The following BRCA1 variants were observed in gnomAD, a reference collection of about 807,000 sequenced individuals.
The protein encoded by BRCA1 is BRCA1 DNA repair associated, also known as breast cancer type 1 susceptibility protein.
In BRCA1, 140 loss-of-function variants were observed where a neutral mutation model predicts 173.7. The ratio of observed to expected loss-of-function variants is 0.81; its 90% CI spans 0.70 to 0.93. The LOEUF (loss-of-function observed/expected upper bound fraction) is 0.93. Ranked by LOEUF, BRCA1 falls within the 40% of genes least tolerant of loss-of-function variation. The pLI is 0.00. For missense variants in BRCA1, 1,983 were observed against 2,172.5 expected (o/e 0.91, Z 1.73); for synonymous variants, 662 against 756.0 (o/e 0.88, Z 2.04).
intron 2 of BRCA1, among the ~76,000 whole-genome samples, chr17:43,118,302 T>C (rs2055387903): frequency 6.6e-6 from 1 of 152,182 alleles, no homozygotes; most frequent in Admixed American, 6.5e-5. Context: ...GGAAAGACTA[T>C]CAGAGAGGTA....
At chr17:43,157,622 G>C (rs2056205742) in intron 1 of BRCA1, among the ~76,000 whole-genome samples, 2 of 151,738 alleles carry the variant, frequency 1.3e-5, no homozygotes, top group Non-Finnish European at 2.9e-5. Context: ...CTTGAACCTG[G>C]GAGGTAGAAG....
rs863224766 is a variant in BRCA1, at chr17:43,094,590, G to A, written c.941C>T (p.Ala314Val). ...FCNKSKQPGLARSQHNRWAGS... is the reference protein window; with the variant it reads ...FCNKSKQPGLVRSQHNRWAGS... The stretch of plus-strand genomic sequence containing the variant: ...AGCCCATCTGTTATGTTGGCTCCTT[G>A]CTAAGCCAGGCTGTTTGCTTTTATT... Residue 314 changes from alanine (A) to valine (V), a missense_variant, in exon 10 of 23, where the codon GCA (alanine) becomes GTA (valine). Coordinates refer to ENST00000357654, the MANE Select transcript of BRCA1 (RefSeq NM_007294.4). 1 of 1,614,056 alleles carries A rather than the reference G, an allele frequency of 6.2e-7. No individual in the cohort carries two copies. The highest frequency in any genetic ancestry group is 8.5e-7 in the Non-Finnish European group (1 of 1,180,018).
chr17:43,048,042 G>A (rs1336232731), intron 21 of BRCA1, among the ~76,000 whole-genome samples: 1 of 152,030 alleles, frequency 6.6e-6, no homozygotes, highest in Non-Finnish European at 1.5e-5. Context: ...ATGAGCCACC[G>A]CACCCAGCCT....
intron 1 of BRCA1, among the ~76,000 whole-genome samples, chr17:43,169,137 T>C (rs1163497053): frequency 2.0e-5 from 3 of 152,170 alleles, no homozygotes; most frequent in Non-Finnish European, 4.4e-5. Context: ...GCACTTCTTC[T>C]TCCGCAAGGG....
chr17:43,105,453 C>T (rs2054720830), intron 4 of BRCA1, among the ~76,000 whole-genome samples: 1 of 152,088 alleles, frequency 6.6e-6, no homozygotes, highest in African/African-American at 2.4e-5. Flanking sequence ...GTTGCCCAGG[C>T]TGATTTCAAA....
At chr17:43,102,642 G>C (rs1311802880) in intron 6 of BRCA1, among the ~76,000 whole-genome samples, 2 of 150,242 alleles carry the variant, frequency 1.3e-5, no homozygotes, top group Non-Finnish European at 3.0e-5. Flanking sequence ...GGTGTTAGCC[G>C]CCGCACCCAG....
Position 43,169,766 on chromosome 17 carries a change from GA to G in BRCA1, c.-20+359del. 1.5e-5 allele frequency: 3 copies of G among 201,346 alleles called. No homozygotes were observed. In the South Asian group the frequency reaches 1.9e-4, roughly 13 times the overall value. 12.5% of individuals were successfully genotyped at this position (201,346 alleles called of 1,614,324 possible). A position where few individuals can be genotyped will look rare whatever the true frequency, so the allele number is the denominator to read the frequency against. ...CCCGGGGCTCTTCTACCTTAACCCA[GA>G]GCAGAGGGTGCAGGCCTCCTGAGCC... On this transcript the variant is annotated intron_variant, in intron 1 of 7. Transcript: ENST00000634433.
At chr17:43,082,345 G>T (rs2053034554) in intron 12 of BRCA1, 59 bp downstream of exon 12, 17 of 1,554,258 alleles carry the variant, frequency 1.1e-5, no homozygotes, top group Non-Finnish European at 1.2e-5. Context: ...TTCAGAAGGA[G>T]ATAAAGGGGA....
chr17:43,084,985 G>A (rs2053172004), intron 11 of BRCA1, among the ~76,000 whole-genome samples: 1 of 152,104 alleles, frequency 6.6e-6, no homozygotes, highest in Admixed American at 6.5e-5. Context: ...TTTCCCAAAG[G>A]AATTATTTTT....
At chr17:43,135,134 C>CG (rs1567828391) in intron 1 of BRCA1, among the ~76,000 whole-genome samples, 3 of 152,186 alleles carry the variant, frequency 2.0e-5, no homozygotes, top group African/African-American at 7.2e-5. Context: ...CTGCTAGTTC[C>CG]TAACCCACGC....
chr17:43,160,962 C>T (rs867964826), intron 1 of BRCA1: 9 of 152,108 alleles, frequency 5.9e-5, no homozygotes, highest in South Asian at 2.1e-4. Context: ...ATCCTCCTAG[C>T]GCTGGGAACC....
chr17:43,125,561 G>A (rs775110369), upstream of BRCA1: 1 of 308,514 alleles, frequency 3.2e-6, no homozygotes, highest in Non-Finnish European at 6.4e-6. Context: ...GCCCCCGGAT[G>A]ACGTAAAAGG....
chr17:43,069,149 G>A (rs980794667), intron 15 of BRCA1, among the ~76,000 whole-genome samples: 13 of 152,202 alleles, frequency 8.5e-5, no homozygotes, highest in African/African-American at 2.9e-4. Context: ...GGCTAGAGAA[G>A]CTAATGACAT....
At chr17:43,106,956 A>G (rs1035918776) in intron 3 of BRCA1, among the ~76,000 whole-genome samples, 1 of 152,228 alleles carries the variant, frequency 6.6e-6, no homozygotes, top group Non-Finnish European at 1.5e-5. Context: ...TGGTAATAGC[A>G]TAAGAATAGA....
intron 18 of BRCA1, among the ~76,000 whole-genome samples, chr17:43,062,610 T>A (rs1196655062): frequency 2.0e-5 from 3 of 152,190 alleles, no homozygotes; most frequent in Non-Finnish European, 4.4e-5. Context: ...AAATTTTTTT[T>A]TTTTTTAAGA....
intron 11 of BRCA1, among the ~76,000 whole-genome samples, chr17:43,085,670 T>C (rs2053201110): frequency 6.6e-6 from 1 of 151,856 alleles, no homozygotes; most frequent in African/African-American, 2.4e-5. Flanking sequence ...AGTTTGAATG[T>C]CTCCTTAAGT....
At chr17:43,078,136 A>AT (rs1318393078) in intron 12 of BRCA1, among the ~76,000 whole-genome samples, 2 of 150,936 alleles carry the variant, frequency 1.3e-5, no homozygotes, top group African/African-American at 4.9e-5. Context: ...CCAGGCTGGA[A>AT]TACAGTGGCA....
Position 43,091,474 on chromosome 17 carries a change from C to A in BRCA1, c.4057G>T (p.Glu1353Ter), listed in dbSNP as rs80357178. 1 of 1,613,502 alleles carries A rather than the reference C, an allele frequency of 6.2e-7. No individual in the cohort carries two copies. Among genetic ancestry groups the A allele is most frequent in the Non-Finnish European group, 8.5e-7 (1 of 1,179,732 alleles). ...ATGCTTTGCTCTTCTTGATTATTTT[C>A]TTCCAAGCCCGTTCCTCTTTCTTCA... ...DDEERGTGLE[E>*]NNQEEQSMDS... Residue 1353 changes from glutamate (E) to a stop codon, truncating the protein, a stop_gained, in exon 10 of 23, where the codon GAA becomes TAA. Coordinates refer to ENST00000357654, the MANE Select transcript of BRCA1 (RefSeq NM_007294.4). LOFTEE classifies it high-confidence loss of function.
intron 1 of BRCA1, among the ~76,000 whole-genome samples, chr17:43,150,277 ATGT>A (rs1487238571): frequency 6.6e-6 from 1 of 151,076 alleles, no homozygotes; most frequent in Non-Finnish European, 1.5e-5. Flanking sequence ...ACCTGGCTAA[ATGT>A]TGTATTTTTA....
Sources: gnomAD v4.1 joint callset for allele counts (sites outside exome capture counted in the v4.1 genomes callset) on GRCh38, gnomAD v4.1.1 for gene constraint, MANE v1.5 for transcripts, NCBI Gene and HGNC (gene_info 2026-07-23, HGNC 2026-07-21) for gene names.